RYR1: variants seen among roughly 807,000 people sequenced by gnomAD.
RYR1 encodes the protein ryanodine receptor 1.
In RYR1, 342 loss-of-function variants were observed where a neutral mutation model predicts 583.5. That is an observed-to-expected ratio of 0.59 (90% confidence interval 0.54 to 0.64). The LOEUF is 0.64. Ranked by LOEUF, RYR1 falls within the 30% of genes least tolerant of loss-of-function variation. The pLI, the probability that RYR1 is intolerant of heterozygous loss-of-function variation, is 0.00. For synonymous variants in RYR1, 2,791 were observed against 2,822.5 expected (o/e 0.99, Z 0.35); for missense variants, 6,032 against 6,917.2 (o/e 0.87, Z 4.54).
intron 83 of RYR1, 71 bp from the exon 84 acceptor site, chr19:38,537,809 C>T (rs1600970463): frequency 7.3e-7 from 1 of 1,376,716 alleles, no homozygotes; most frequent in African/African-American, 1.4e-5. Context: ...GTGCATGGGC[C>T]TTGTGCATGT....
intron 38 of RYR1, 145 bp from the exon 39 acceptor site, chr19:38,494,207 T>C: frequency 2.3e-6 from 2 of 871,656 alleles, no homozygotes; most frequent in Non-Finnish European, 3.7e-6. Flanking sequence ...AGAATCTGCC[T>C]GCTCCCAGCA....
At chr19:38,585,852 G>A in intron 102 of RYR1, 86 bp from the exon 103 acceptor site, 1 of 1,512,528 alleles carries the variant, frequency 6.6e-7, no homozygotes, top group Non-Finnish European at 9.2e-7. Context: ...GGGGATGGAG[G>A]GCAAGCCCTG....
chr19:38,507,197 C>T (rs1170832895), intron 57 of RYR1, among the ~76,000 whole-genome samples: 1 of 144,358 alleles, frequency 6.9e-6, no homozygotes, highest in Non-Finnish European at 1.5e-5. Flanking sequence ...AAGAGAAGGG[C>T]GGGGCCCAGG....
chr19:38,520,693 CAAAAAAAA>C (rs71165555), intron 67 of RYR1, among the ~76,000 whole-genome samples: 4 of 46,904 alleles, frequency 8.5e-5, no homozygotes, highest in East Asian at 1.3e-3. Context: ...GGCTCCACCT[CAAAAAAAA>C]AAAAAAAAAA....
In RYR1 at chr19:38,446,736, C is replaced by T. The variant is rs746515597; in HGVS notation, c.768C>T (p.Arg256=). 1.9e-6 allele frequency: 3 copies of T among 1,613,888 alleles called. No homozygotes were observed. Among genetic ancestry groups the T allele is most frequent in the Middle Eastern group, 1.6e-4 (1 of 6,062 alleles). ...YEGGAVCTHA[R]SLWRLEPLRI... is the part of the protein sequence containing the mutation. ...GGGGAGCTGTGTGCACTCATGCCCG[C>T]TCCCTCTGGAGGCTGGAGCCACTGA... The change falls in exon 9 of 106, where the codon CGC becomes CGT. Residue 256 remains arginine, a synonymous_variant. Transcript: ENST00000359596.
intron 58 of RYR1, among the ~76,000 whole-genome samples, chr19:38,509,737 G>T (rs952834769): frequency 2.0e-5 from 3 of 151,340 alleles, no homozygotes; most frequent in African/African-American, 4.8e-5. Flanking sequence ...GATTACAGGC[G>T]TGAGCCACTG....
intron 75 of RYR1, 125 bp from the exon 76 acceptor site, chr19:38,528,826 T>C: frequency 9.1e-6 from 13 of 1,431,600 alleles, no homozygotes; most frequent in Non-Finnish European, 1.3e-5. Flanking sequence ...CTGGCTTGAG[T>C]AGAACCAAAG....
At chr19:38,454,517 A>C (rs542134862) in intron 13 of RYR1, among the ~76,000 whole-genome samples, 1 of 152,236 alleles carries the variant, frequency 6.6e-6, no homozygotes, top group Non-Finnish European at 1.5e-5. Context: ...TTTAATGTTA[A>C]TGACTCAACA....
Position 38,561,050 on chromosome 19 carries a change from AAAAAAAAGAG to A in RYR1, c.12283-61_12283-52del, listed in dbSNP as rs1383747796. On this transcript the variant is annotated intron_variant, in intron 89 of 105. Coordinates refer to ENST00000359596, the MANE Select transcript of RYR1 (RefSeq NM_000540.3). This position sits in a 1 kb window ranked among gnomAD's most constrained non-coding sequence, Gnocchi z 4.8. ...AGCGAGACCTTGTCTTAAAAAAAAA[AAAAAAAAGAG>A]AGAGAATTGAGGCTCTCCAGGTCAC... 2.1e-6 allele frequency: 3 copies of A among 1,451,012 alleles called. No individual in the cohort carries two copies. In the African/African-American group the frequency reaches 4.4e-5, roughly 21 times the overall value. 89.9% of individuals were successfully genotyped at this position (1,451,012 alleles called of 1,614,324 possible).
At chr19:38,547,603 T>C (rs936438750) in intron 88 of RYR1, among the ~76,000 whole-genome samples, 1 of 152,180 alleles carries the variant, frequency 6.6e-6, no homozygotes, top group African/African-American at 2.4e-5. Flanking sequence ...TTTGAGTGCA[T>C]GACTTTCTCT....
intron 90 of RYR1, among the ~76,000 whole-genome samples, chr19:38,563,164 G>A (rs529561962): frequency 6.6e-6 from 1 of 152,256 alleles, no homozygotes; most frequent in South Asian, 2.1e-4. Context: ...GCTTCCTTCT[G>A]CTCACCCCTT....
At chr19:38,491,344 C>G (rs1969541119) in intron 37 of RYR1, among the ~76,000 whole-genome samples, 1 of 151,954 alleles carries the variant, frequency 6.6e-6, no homozygotes. Flanking sequence ...TACTTTTCTG[C>G]CCCTTTCCTC....
Position 38,515,208 on chromosome 19 carries a change from A to G in RYR1, c.9554+101A>G, listed in dbSNP as rs78341134. The G allele has an allele frequency of 0.028, 26,583 of 944,346 alleles. 558 individuals carry two copies. The highest frequency in any genetic ancestry group is 0.035 in the Non-Finnish European group (20,948 of 597,730). 58.5% of individuals were successfully genotyped at this position (944,346 alleles called of 1,614,324 possible). On this transcript the variant is annotated intron_variant, in intron 64 of 105. Coordinates refer to ENST00000359596, the MANE Select transcript of RYR1 (RefSeq NM_000540.3). Reference sequence around the variant, plus strand: ...TGGGTGAAAAGCAGGGTAGATGTTAAGAATTTTCCCGCACACGGCGGCAGC... The same window carrying G: ...TGGGTGAAAAGCAGGGTAGATGTTAGGAATTTTCCCGCACACGGCGGCAGC...
intron 53 of RYR1, 42 bp from the exon 54 acceptor site, chr19:38,505,764 T>A (rs752649415): frequency 6.8e-6 from 11 of 1,613,368 alleles, no homozygotes; most frequent in Non-Finnish European, 9.3e-6. Context: ...CACCCCTCTC[T>A]CATCCCATTC....
chr19:38,491,945 A>G (rs1969570927), intron 37 of RYR1, among the ~76,000 whole-genome samples: 1 of 152,170 alleles, frequency 6.6e-6, no homozygotes. Flanking sequence ...AGTCACTATT[A>G]TGATATTTCC....
In RYR1 at chr19:38,504,319, C is replaced by T. The variant is rs193922826; in HGVS notation, c.8026C>T (p.Arg2676Trp). The T allele has an allele frequency of 3.7e-6, 6 of 1,614,056 alleles. No individual in the cohort carries two copies. Among genetic ancestry groups the T allele is most frequent in the Non-Finnish European group, 5.1e-6 (6 of 1,180,050 alleles). The change falls in exon 50 of 106, where the codon CGG becomes TGG. Residue 2676 changes from arginine (R) to tryptophan (W), a missense_variant. Around this residue, in one of 11 missense-constraint regions of RYR1, gnomAD observed 1,493 missense variants for 1,715.5 expected, o/e 0.87. Transcript: ENST00000359596. Reference sequence around the variant, plus strand: ...CTCAGAGGAGGAGCTGCACCTCACACGGAAACTCTTCTGGGGCATCTTTGA... The same window carrying T: ...CTCAGAGGAGGAGCTGCACCTCACATGGAAACTCTTCTGGGGCATCTTTGA... ...VTSEEELHLT[R>W]KLFWGIFDSL...
intron 48 of RYR1, 27 bp downstream of exon 48, chr19:38,502,754 GGC>G (rs1970205439): frequency 2.5e-6 from 1 of 400,128 alleles, no homozygotes; most frequent in East Asian, 5.7e-5. Context: ...TTCAGGGTGG[GGC>G]AGGGGCAGGG....
intron 90 of RYR1, among the ~76,000 whole-genome samples, chr19:38,563,686 A>G (rs1041104448): frequency 6.6e-6 from 1 of 152,224 alleles, no homozygotes; most frequent in African/African-American, 2.4e-5. Context: ...CAGAGGGGAA[A>G]ACGGAGGTCC....
At chr19:38,541,277 ACTT>A (rs1439516243) in intron 84 of RYR1, among the ~76,000 whole-genome samples, 4 of 152,212 alleles carry the variant, frequency 2.6e-5, no homozygotes, top group Non-Finnish European at 4.4e-5. Flanking sequence ...AGAAGCACAC[ACTT>A]CTTCTTTTGT....
Sources: allele counts gnomAD v4.1 joint callset (sites outside exome capture counted in the v4.1 genomes callset), GRCh38; gene constraint gnomAD v4.1.1; regional missense constraint gnomAD v4.1.1; non-coding constraint Gnocchi (gnomAD v3.1); transcripts MANE v1.5; gene names NCBI Gene and HGNC (gene_info 2026-07-23, HGNC 2026-07-21).